The following TERF1 variants were observed in gnomAD, a reference collection of about 807,000 sequenced individuals.
TERF1 encodes telomeric repeat binding factor 1.
Under a neutral mutation model 55.1 loss-of-function variants are expected in TERF1, and 20 were observed. The ratio of observed to expected loss-of-function variants is 0.36; its 90% CI spans 0.26 to 0.53. The LOEUF (loss-of-function observed/expected upper bound fraction) is 0.53, where lower values mean the gene tolerates loss of function less well. TERF1 is among the 20% of genes least tolerant of loss of function. The pLI is 0.91. For synonymous variants in TERF1, 168 were observed against 181.2 expected (o/e 0.93, Z 0.59); for missense variants, 439 against 535.7 (o/e 0.82, Z 1.78).
rs145267558 is a variant in TERF1 at position 73,013,941 on chromosome 8, G to A, written c.366G>A (p.Thr122=). 7 of 1,611,076 alleles carry A rather than the reference G, an allele frequency of 4.3e-6. No homozygotes were observed. Among genetic ancestry groups the A allele is most frequent in the South Asian group, 2.2e-5 (2 of 90,776 alleles). ...LSSLTACQLR[T]IYICQFLTRI... ...GTCTAACAGCTTGCCAGTTGAGAACGATATACATATGTCAGTTTTTGACAA... is the reference window on the plus strand; with the variant it reads ...GTCTAACAGCTTGCCAGTTGAGAACAATATACATATGTCAGTTTTTGACAA... Residue 122 remains threonine (T), a synonymous_variant, in exon 2 of 10, where the codon ACG becomes ACA. Coordinates refer to ENST00000276603, the MANE Select transcript of TERF1 (RefSeq NM_017489.3).
intron 9 of TERF1, among the ~76,000 whole-genome samples, chr8:73,040,527 T>C (rs1161252765): frequency 3.3e-5 from 5 of 152,208 alleles, no homozygotes; most frequent in South Asian, 2.1e-4. Flanking sequence ...ACCACAGTCA[T>C]GCATATGTTT....
In TERF1 at chr8:73,037,172, AAT is replaced by A. The variant is rs1325996023; in HGVS notation, c.1040-1938_1040-1937del. On this transcript the variant is annotated intron_variant, in intron 8 of 9. Coordinates refer to ENST00000276603, the MANE Select transcript of TERF1 (RefSeq NM_017489.3). Reference sequence around the variant, plus strand: ...TATAATATATAATAATTTATATTATAATATATAATATAATAATATATATTATA... The same window carrying A: ...TATAATATATAATAATTTATATTATAATATAATATAATAATATATATTATA... Among the ~76,000 whole-genome samples, 6 of 78,036 alleles carry A rather than the reference AAT, an allele frequency of 7.7e-5. No individual in the cohort carries two copies. In the Admixed American group the frequency reaches 8.1e-4, roughly 11 times the overall value. The allele number at this position is 78,036 out of a possible 152,430, so 51.2% of individuals were successfully genotyped here.
At chr8:73,034,389 C>G (rs1040566806) in intron 8 of TERF1, among the ~76,000 whole-genome samples, 1 of 151,666 alleles carries the variant, frequency 6.6e-6, no homozygotes, top group African/African-American at 2.4e-5. Context: ...ACCTCGGCCT[C>G]CCCAAAGTGC....
At chr8:73,024,598 T>C (rs191343696) in intron 4 of TERF1, among the ~76,000 whole-genome samples, 5 of 152,268 alleles carry the variant, frequency 3.3e-5, no homozygotes, top group African/African-American at 1.2e-4. Context: ...AATACATATC[T>C]TTTTGAATCT....
At chr8:73,043,237 CTCTT>C (rs753514196) in intron 9 of TERF1, 5 of 152,276 alleles carry the variant, frequency 3.3e-5, no homozygotes, top group Middle Eastern at 3.4e-3. Flanking sequence ...GTTTTCAAAA[CTCTT>C]TCAGTCACAG....
intron 8 of TERF1, among the ~76,000 whole-genome samples, 179 bp downstream of exon 8, chr8:73,032,312 T>C (rs920821986): frequency 6.6e-6 from 1 of 152,184 alleles, no homozygotes; most frequent in Non-Finnish European, 1.5e-5. Flanking sequence ...ATTTTGACTG[T>C]CTAGCTTAGG....
intron 9 of TERF1, among the ~76,000 whole-genome samples, chr8:73,043,579 G>C (rs1809916517): frequency 6.6e-6 from 1 of 151,900 alleles, no homozygotes. Context: ...TTTTAATATG[G>C]TTCTTAGCTC....
rs1266193906 is a variant in TERF1 at position 73,037,758 on chromosome 8, T to TATAGTATAA, written c.1040-1358_1040-1357insATAGTATAA. ...TATGAAATATATATTATATATAATA[T>TATAGTATAA]TATATAGTATAATATATATATTATA... On this transcript the variant is annotated intron_variant, in intron 8 of 9. Transcript: ENST00000276603. Among the ~76,000 whole-genome samples, 2 of 75,124 alleles carry TATAGTATAA rather than the reference T, an allele frequency of 2.7e-5. 1 individual carries two copies. The highest frequency in any genetic ancestry group is 1.2e-4 in the African/African-American group (2 of 16,956). The allele number at this position is 75,124 out of a possible 152,430, so 49.3% of individuals were successfully genotyped here.
chr8:73,011,886 C>T (rs1464077557), intron 1 of TERF1: 2 of 151,922 alleles, frequency 1.3e-5, no homozygotes. Context: ...ACTTTCTTAT[C>T]ATTTATGTGT....
At position 73,039,119 on chromosome 8, in the gene TERF1, C is replaced by CA; in HGVS notation, c.1049dup (p.Lys351GlufsTer9). ...GACATTATTTTTCTACTTTTAGGTA[C>CA]AAAAAAGAAAAAAGAAAGCAGAAGA... On this transcript the variant is annotated frameshift_variant, in exon 9 of 10. Transcript: ENST00000276603. LOFTEE classifies it high-confidence loss of function. 2 of 1,552,024 alleles carry CA rather than the reference C, an allele frequency of 1.3e-6. No homozygotes were observed. The highest frequency in any genetic ancestry group is 2.3e-5 in the East Asian group (1 of 43,134).
At chr8:73,044,062 C>CT (rs935654592) in intron 9 of TERF1, among the ~76,000 whole-genome samples, 6 of 152,264 alleles carry the variant, frequency 3.9e-5, no homozygotes, top group Middle Eastern at 6.8e-3. Context: ...TGTTGAAGTG[C>CT]TTTTAATCAG....
At chr8:73,029,601 T>C (rs905423938) in intron 6 of TERF1, among the ~76,000 whole-genome samples, 4 of 148,906 alleles carry the variant, frequency 2.7e-5, no homozygotes, top group African/African-American at 7.4e-5. Context: ...GGCGAGACCC[T>C]GTCAAAAAAA....
chr8:73,017,522 C>G (rs1285769076), intron 2 of TERF1, among the ~76,000 whole-genome samples: 7 of 152,114 alleles, frequency 4.6e-5, no homozygotes, highest in Admixed American at 4.6e-4. Context: ...TCCTTCCCAT[C>G]CTTGTAGTCT....
intron 9 of TERF1, 52 bp downstream of exon 9, chr8:73,039,271 C>A: frequency 1.6e-6 from 2 of 1,263,800 alleles, no homozygotes; most frequent in Non-Finnish European, 2.2e-6. Flanking sequence ...AAAGTTATAA[C>A]TTGAATAATT....
chr8:73,031,033 TGAA>T (rs887477217), intron 7 of TERF1: 2 of 152,240 alleles, frequency 1.3e-5, no homozygotes, highest in Non-Finnish European at 2.9e-5. Flanking sequence ...CTGTGAATGA[TGAA>T]GAAGTGCTTG....
At chr8:73,017,001 C>G (rs1808539588) in intron 2 of TERF1, among the ~76,000 whole-genome samples, 1 of 152,078 alleles carries the variant, frequency 6.6e-6, no homozygotes, top group Non-Finnish European at 1.5e-5. Context: ...ATGTCTTTAG[C>G]AATGTGATTT....
rs1810034691 is a variant in TERF1, at chr8:73,046,401, G to A, written c.*264G>A. The A allele has an allele frequency of 3.0e-5, 7 of 235,376 alleles. No individual in the cohort carries two copies. The highest frequency in any genetic ancestry group is 5.7e-5 in the Non-Finnish European group (7 of 123,832). 14.6% of individuals were successfully genotyped at this position (235,376 alleles called of 1,614,324 possible). ...CCCCACCCCCAAATCCTGTTCCAAT[G>A]AAAAAATTAAAACCTGATACGAAAA... On this transcript the variant is annotated 3_prime_UTR_variant, in exon 10 of 10. Transcript: ENST00000276603.
At chr8:73,022,533 A>C (rs1808809154) in intron 4 of TERF1, among the ~76,000 whole-genome samples, 1 of 152,190 alleles carries the variant, frequency 6.6e-6, no homozygotes, top group Admixed American at 6.5e-5. Flanking sequence ...AGGTGGGAGG[A>C]TCTCTTGAGC....
chr8:73,037,090 A>G lies in TERF1; in HGVS notation c.1040-2026A>G, dbSNP rs1809551195. Reference sequence around the variant, plus strand: ...ATATAATAATTATACTACATATAATATATATCATATATTATATAAAACCCC... The same window carrying G: ...ATATAATAATTATACTACATATAATGTATATCATATATTATATAAAACCCC... On this transcript the variant is annotated intron_variant, in intron 8 of 9. Coordinates refer to ENST00000276603, the MANE Select transcript of TERF1 (RefSeq NM_017489.3). 2.2e-5 allele frequency among the ~76,000 whole-genome samples: 3 copies of G among 135,184 alleles called. No homozygotes were observed. In the South Asian group the frequency reaches 6.5e-4, roughly 29 times the overall value. 88.7% of individuals were successfully genotyped at this position (135,184 alleles called of 152,430 possible).
Sources: allele counts gnomAD v4.1 joint callset (sites outside exome capture counted in the v4.1 genomes callset), GRCh38; gene constraint gnomAD v4.1.1; transcripts MANE v1.5; gene names NCBI Gene and HGNC (gene_info 2026-07-23, HGNC 2026-07-21).